Variants in HEPHL1 observed in about 807,000 individuals in gnomAD.
HEPHL1 encodes hephaestin like 1, also known as ferroxidase HEPHL1.
In HEPHL1, 123 loss-of-function variants were observed where a neutral mutation model predicts 122.0. The observed-to-expected ratio is 1.01, with a 90% CI of 0.87 to 1.17. HEPHL1 has a LOEUF of 1.17. Ranked by LOEUF, HEPHL1 falls within the 50% of genes most tolerant of loss-of-function variation. The pLI, the probability that HEPHL1 is intolerant of heterozygous loss-of-function variation, is 0.00. For missense variants in HEPHL1, 1,452 were observed against 1,430.5 expected, an observed-to-expected ratio of 1.01 and a Z score of -0.24; for synonymous variants, 527 against 508.9, an observed-to-expected ratio of 1.04 and a Z score of -0.48.
chr11:94,052,406 T>A (rs979723711), intron 2 of HEPHL1, among the ~76,000 whole-genome samples: 5 of 151,878 alleles, frequency 3.3e-5, no homozygotes, highest in Non-Finnish European at 7.4e-5. Flanking sequence ...CTTTCTTGAT[T>A]TCTTTTTCAG....
intron 3 of HEPHL1, among the ~76,000 whole-genome samples, chr11:94,063,982 T>C (rs1946010937): frequency 6.6e-6 from 1 of 152,226 alleles, no homozygotes; most frequent in South Asian, 2.1e-4. Flanking sequence ...GTGAGAAATT[T>C]AGTCAAATGA....
intron 1 of HEPHL1, among the ~76,000 whole-genome samples, chr11:94,028,860 G>C (rs1372546346): frequency 6.6e-6 from 1 of 152,158 alleles, no homozygotes; most frequent in African/African-American, 2.4e-5. Context: ...AGAACTCAAA[G>C]GAGCTGGAGT....
chr11:94,073,376 T>C lies in HEPHL1; in HGVS notation c.1441T>C (p.Tyr481His), dbSNP rs375747139. ...VTFANKADKV[Y>H]SILPHGVIYD... ...CTTTGCCAACAAAGCCGACAAGGTC[T>C]ATAGCATTTTACCCCATGGTGTGAT... Residue 481 changes from tyrosine (Y) to histidine (H), a missense_variant, in exon 8 of 20, where the codon TAT becomes CAT. Physicochemically the swap from Tyr to His is moderately conservative, Grantham distance 83 (BLOSUM62 2). Transcript: ENST00000315765. 1.2e-5 allele frequency: 19 copies of C among 1,578,322 alleles called. No homozygotes were observed. The highest frequency in any genetic ancestry group is 1.7e-4 in the Middle Eastern group (1 of 6,004).
intron 17 of HEPHL1, among the ~76,000 whole-genome samples, chr11:94,110,465 TAA>T (rs1190449934): frequency 2.6e-5 from 4 of 152,168 alleles, no homozygotes; most frequent in African/African-American, 9.7e-5. Flanking sequence ...ATCATGTGGA[TAA>T]GACATGAAAA....
chr11:94,068,510 C>T (rs967327542), intron 5 of HEPHL1, among the ~76,000 whole-genome samples: 3 of 152,134 alleles, frequency 2.0e-5, no homozygotes, highest in Admixed American at 6.5e-5. Context: ...TTTCTTCAGA[C>T]ATCATACACT....
intron 2 of HEPHL1, among the ~76,000 whole-genome samples, chr11:94,056,231 A>ATTTGTTTTTTTC (rs1945934723): frequency 1.3e-5 from 2 of 152,270 alleles, no homozygotes; most frequent in South Asian, 2.1e-4. Flanking sequence ...CTTTCAACTT[A>ATTTGTTTTTTTC]TTTGTGTCTT....
rs201036709 is a variant in HEPHL1 at position 94,093,971 on chromosome 11, GATATATATATAT to G, written c.2434+363_2434+374del. Among the ~76,000 whole-genome samples, 261 of 72,774 alleles carry G rather than the reference GATATATATATAT, an allele frequency of 3.6e-3. 18 individuals carry two copies. The highest frequency in any genetic ancestry group is 7.4e-3 in the African/African-American group (150 of 20,306). The allele number at this position is 72,774 out of a possible 152,430, so 47.7% of individuals were successfully genotyped here. A position where few individuals can be genotyped will look rare whatever the true frequency, so the allele number is the denominator to read the frequency against. On this transcript the variant is annotated intron_variant, in intron 13 of 19. Coordinates refer to ENST00000315765, the MANE Select transcript of HEPHL1 (RefSeq NM_001098672.2). ...AAATTTTCTTTTAAATCCTCCAGCA[GATATATATATAT>G]ATATATATATATATATATATATATA...
chr11:94,027,475 G>C (rs1448880808), intron 1 of HEPHL1, among the ~76,000 whole-genome samples: 2 of 152,136 alleles, frequency 1.3e-5, no homozygotes, highest in Non-Finnish European at 2.9e-5. Context: ...GACCTTGGCT[G>C]GTCACATTTT....
intron 1 of HEPHL1, among the ~76,000 whole-genome samples, chr11:94,030,037 T>A (rs779961387): frequency 1.3e-5 from 2 of 152,214 alleles, no homozygotes; most frequent in Non-Finnish European, 2.9e-5. Context: ...TGTGTCTTCA[T>A]GTGTGCAGTG....
chr11:94,094,805 A>T (rs1418227129), intron 13 of HEPHL1, among the ~76,000 whole-genome samples: 1 of 152,212 alleles, frequency 6.6e-6, no homozygotes, highest in Admixed American at 6.5e-5. Context: ...TTCTTTTGAG[A>T]AGCATCTGTT....
At chr11:94,034,101 T>C (rs1302196346) in intron 1 of HEPHL1, among the ~76,000 whole-genome samples, 1 of 151,974 alleles carries the variant, frequency 6.6e-6, no homozygotes, top group Non-Finnish European at 1.5e-5. Context: ...GACCTGGGAG[T>C]TGGGGCAAAG....
At chr11:94,067,804 C>T (rs1201933201) in intron 5 of HEPHL1, 54 bp downstream of exon 5, 1 of 1,549,528 alleles carries the variant, frequency 6.5e-7, no homozygotes, top group Non-Finnish European at 8.9e-7. Flanking sequence ...AATCAAACCA[C>T]ACAGTCACTA....
chr11:94,096,704 T>A (rs571392886), intron 13 of HEPHL1, among the ~76,000 whole-genome samples: 2 of 152,344 alleles, frequency 1.3e-5, no homozygotes, highest in Middle Eastern at 6.8e-3. Flanking sequence ...GAACACGTTA[T>A]TGGTCTATTC....
At chr11:94,047,240 G>A (rs1945847965) in intron 2 of HEPHL1, among the ~76,000 whole-genome samples, 1 of 152,148 alleles carries the variant, frequency 6.6e-6, no homozygotes, top group African/African-American at 2.4e-5. Flanking sequence ...AGGGATATAA[G>A]TGCAGGTTCG....
chr11:94,087,551 C>G (rs576423180), intron 11 of HEPHL1, among the ~76,000 whole-genome samples: 1 of 152,104 alleles, frequency 6.6e-6, no homozygotes, highest in South Asian at 2.1e-4. Flanking sequence ...CCATGTTCTT[C>G]TATTATTATT....
Position 94,041,126 on chromosome 11 carries a change from G to C in HEPHL1, c.171-4547G>C, listed in dbSNP as rs1317068300. On this transcript the variant is annotated intron_variant, in intron 1 of 19. Transcript: ENST00000315765. ...CATGAGTGAACTCCCATTCACAATT[G>C]CTTCAAAGAGAATAAAATACCTAGG... Among the ~76,000 whole-genome samples the C allele has an allele frequency of 3.1e-4, 46 of 146,150 alleles. 1 individual carries two copies. In the East Asian group the frequency reaches 9.1e-3, roughly 29 times the overall value.
intron 1 of HEPHL1, among the ~76,000 whole-genome samples, chr11:94,027,344 T>G (rs548168534): frequency 6.6e-6 from 1 of 152,270 alleles, no homozygotes; most frequent in Non-Finnish European, 1.5e-5. Context: ...GAGTTATCTT[T>G]GGGACTTAGG....
chr11:94,087,150 T>C (rs776487357), intron 11 of HEPHL1, among the ~76,000 whole-genome samples: 3 of 152,192 alleles, frequency 2.0e-5, no homozygotes, highest in Admixed American at 1.3e-4. Flanking sequence ...TACATTAGTA[T>C]AGTTGATCAA....
chr11:94,063,660 A>T lies in HEPHL1; in HGVS notation c.568A>T (p.Ile190Phe), dbSNP rs761411533. Residue 190 changes from isoleucine to phenylalanine, a missense_variant, in exon 3 of 20, where the codon ATC becomes TTC. By Grantham distance (21) the Ile-to-Phe change is conservative. Coordinates refer to ENST00000315765, the MANE Select transcript of HEPHL1 (RefSeq NM_001098672.2). ...CCTGACCTGGGTGTACCATTCGCACATCGACGCCCCAAAGGACATCTGCTC... is the reference window on the plus strand; with the variant it reads ...CCTGACCTGGGTGTACCATTCGCACTTCGACGCCCCAAAGGACATCTGCTC... ...NCLTWVYHSH[I>F]DAPKDICSGL... 21 of 1,613,738 alleles carry T rather than the reference A, an allele frequency of 1.3e-5. No homozygotes were observed.
Sources: gnomAD v4.1 joint callset for allele counts (sites outside exome capture counted in the v4.1 genomes callset) on GRCh38, gnomAD v4.1.1 for gene constraint, MANE v1.5 for transcripts, NCBI Gene and HGNC (gene_info 2026-07-23, HGNC 2026-07-21) for gene names.